Variants in DNAJC7 observed in about 807,000 individuals in gnomAD.
DNAJC7 encodes the protein DnaJ heat shock protein family (Hsp40) member C7.
Under a neutral mutation model 67.4 loss-of-function variants are expected in DNAJC7, and 18 were observed. The observed-to-expected ratio is 0.27, with a 90% CI of 0.18 to 0.40. The LOEUF (loss-of-function observed/expected upper bound fraction) is 0.40. DNAJC7 is among the 10% of genes least tolerant of loss of function. The pLI is 1.00. For missense variants in DNAJC7, 419 were observed against 613.8 expected (o/e 0.68, Z 3.35); for synonymous variants, 220 against 207.8 (o/e 1.06, Z -0.50).
intron 10 of DNAJC7, 94 bp downstream of exon 10, chr17:41,983,469 G>A: frequency 8.8e-7 from 1 of 1,130,300 alleles, no homozygotes; most frequent in Non-Finnish European, 1.3e-6. Flanking sequence ...GTTCTAGGTA[G>A]ATCCCTGATC....
intron 9 of DNAJC7, chr17:41,985,920 T>C (rs2051362351): frequency 6.6e-6 from 1 of 152,072 alleles, no homozygotes; most frequent in African/African-American, 2.4e-5. Flanking sequence ...ACCACAAAGA[T>C]AAGAAGTTGT....
chr17:41,998,065 G>T (rs970515123), intron 2 of DNAJC7, among the ~76,000 whole-genome samples: 1 of 151,954 alleles, frequency 6.6e-6, no homozygotes, highest in Non-Finnish European at 1.5e-5. Context: ...GTTTTGCCGC[G>T]TTGGCCAGGC....
chr17:41,977,551 G>T (rs974367279), intron 12 of DNAJC7: 2 of 403,044 alleles, frequency 5.0e-6, no homozygotes, highest in African/African-American at 2.0e-5. Context: ...TCCAACTGCT[G>T]CCCCAAAGGA....
chr17:42,001,608 T>C (rs1567966254), intron 1 of DNAJC7, among the ~76,000 whole-genome samples: 1 of 152,182 alleles, frequency 6.6e-6, no homozygotes, highest in African/African-American at 2.4e-5. Flanking sequence ...ATTTTTGTTA[T>C]GAGAAACATC....
At position 41,977,299 on chromosome 17, in the gene DNAJC7, T is replaced by C. The variant is rs369947605; in HGVS notation, c.1409A>G (p.Lys470Arg). Reference sequence around the variant, plus strand: ...GCCGCCAGGACCGCCAAAGAATGCCTTGAAGATATTGTTTGGATCAAAATC... The same window carrying C: ...GCCGCCAGGACCGCCAAAGAATGCCCTGAAGATATTGTTTGGATCAAAATC... The part of the protein sequence containing the change: ...MGDFDPNNIF[K>R]AFFGGPGGFS... The change falls in exon 13 of 14, where the codon AAG (lysine) becomes AGG (arginine). Residue 470 changes from lysine (K) to arginine (R), a missense_variant. Physicochemically the swap from Lys to Arg is conservative, Grantham distance 26 (BLOSUM62 2). Around this residue, in one of 4 missense-constraint regions of DNAJC7, gnomAD observed 161 missense variants for 252.2 expected, o/e 0.64. Coordinates refer to ENST00000457167, the MANE Select transcript of DNAJC7 (RefSeq NM_003315.4). 1 of 1,584,012 alleles carries C rather than the reference T, an allele frequency of 6.3e-7. No homozygotes were observed. Among genetic ancestry groups the C allele is most frequent in the Non-Finnish European group, 8.6e-7 (1 of 1,165,088 alleles).
rs782767694 is a variant in DNAJC7, at chr17:41,987,894, T to A, written c.935A>T (p.Asp312Val). 7 of 1,611,202 alleles carry A rather than the reference T, an allele frequency of 4.3e-6. No homozygotes were observed. In the South Asian group the frequency reaches 6.6e-5, roughly 15 times the overall value. The change falls in exon 9 of 14, where the codon GAT becomes GTT. Residue 312 changes from aspartate to valine, a missense_variant. Physicochemically the swap from Asp to Val is radical, Grantham distance 152 (BLOSUM62 -3). Coordinates refer to ENST00000457167, the MANE Select transcript of DNAJC7 (RefSeq NM_003315.4). ...TGCATTTGTGCAGTCTTCTATTGCA[T>A]CATCTAGTTTCCTAAGCTTCAGGAG... is the stretch of plus-strand genomic sequence containing the variant. ...TVNSKLRKLD[D>V]AIEDCTNAVK...
chr17:41,976,569 C>A lies in DNAJC7; in HGVS notation c.*164G>T. 2.6e-6 allele frequency: 2 copies of A among 771,838 alleles called. No homozygotes were observed. The highest frequency in any genetic ancestry group is 3.6e-5 in the East Asian group (1 of 28,066). The allele number at this position is 771,838 out of a possible 1,614,324, so 47.8% of individuals were successfully genotyped here. ...CTGCCCTCGGTCTTCGGCATTGGTT[C>A]CCTTTGCTCCACCCCACTCACAGAG... On this transcript the variant is annotated 3_prime_UTR_variant, in exon 14 of 14. Coordinates refer to ENST00000457167, the MANE Select transcript of DNAJC7 (RefSeq NM_003315.4).
At chr17:41,994,830 G>A (rs368535928) in intron 5 of DNAJC7, 40 bp downstream of exon 5, 10 of 1,586,846 alleles carry the variant, frequency 6.3e-6, no homozygotes, top group Non-Finnish European at 6.9e-6. Flanking sequence ...GGAATTTTGC[G>A]ACAAAGAGCA....
Position 41,981,903 on chromosome 17 carries a change from G to A in DNAJC7, c.1336C>T (p.Arg446Cys), listed in dbSNP as rs933566561. 7 of 1,613,772 alleles carry A rather than the reference G, an allele frequency of 4.3e-6. No homozygotes were observed. Among genetic ancestry groups the A allele is most frequent in the African/African-American group, 2.7e-5 (2 of 74,866 alleles). Residue 446 changes from arginine to cysteine, a missense_variant, in exon 12 of 14, where the codon CGC becomes TGC. Around this residue, in one of 4 missense-constraint regions of DNAJC7, gnomAD observed 161 missense variants for 252.2 expected, o/e 0.64. Coordinates refer to ENST00000457167, the MANE Select transcript of DNAJC7 (RefSeq NM_003315.4). Reference protein sequence around the residue: ...TILSDPKKKTRYDSGQDLDEE... With the variant: ...TILSDPKKKTCYDSGQDLDEE... ...TCTAGGTCCTGTCCACTGTCATAGC[G>A]AGTCTTTTTCTTGGGATCAGAGAGG...
intron 1 of DNAJC7, among the ~76,000 whole-genome samples, chr17:42,009,664 A>G (rs1170120121): frequency 3.9e-5 from 6 of 152,196 alleles, no homozygotes; most frequent in African/African-American, 9.7e-5. Flanking sequence ...TCTGGGAAAC[A>G]TGCTTCTCTG....
Position 41,996,301 on chromosome 17 carries a change from A to G in DNAJC7, c.405+10T>C. 1 of 1,612,892 alleles carries G rather than the reference A, an allele frequency of 6.2e-7. No homozygotes were observed. Among genetic ancestry groups the G allele is most frequent in the Non-Finnish European group, 8.5e-7 (1 of 1,179,500 alleles). ...TGCCTCTTTTGACAGAAACAGGATC[A>G]GACCCGTACCTCTTGTTGTGCCTGA... On this transcript the variant is annotated intron_variant, in intron 4 of 13. Transcript: ENST00000457167.
At chr17:41,978,279 G>A (rs1373011525) in intron 12 of DNAJC7, among the ~76,000 whole-genome samples, 3 of 152,040 alleles carry the variant, frequency 2.0e-5, no homozygotes, top group African/African-American at 4.8e-5. Context: ...CAGCCACCTC[G>A]TGCCCAGAGT....
rs1555645118 is a variant in DNAJC7, at chr17:41,977,319, A to C, written c.1389T>G (p.Phe463Leu). 3 of 1,579,086 alleles carry C rather than the reference A, an allele frequency of 1.9e-6. No homozygotes were observed. Among genetic ancestry groups the C allele is most frequent in the South Asian group, 2.3e-5 (2 of 85,888 alleles). ...LDEEGMNMGD[F>L]DPNNIFKAFF... ...ATGCCTTGAAGATATTGTTTGGATC[A>C]AAATCTGTAGAGCAGGGCAAGTAAC... is the stretch of plus-strand genomic sequence containing the variant. Residue 463 changes from phenylalanine (F) to leucine (L), a missense_variant, in exon 13 of 14, where the codon TTT becomes TTG. Phe to Leu is a conservative substitution (Grantham distance 22). Transcript: ENST00000457167.
Position 41,976,587 on chromosome 17 carries a change from T to A in DNAJC7, c.*146A>T. 5.5e-5 allele frequency: 51 copies of A among 921,340 alleles called. No homozygotes were observed. The highest frequency in any genetic ancestry group is 2.0e-4 in the East Asian group (5 of 25,192). 57.1% of individuals were successfully genotyped at this position (921,340 alleles called of 1,614,324 possible). ...ATTGGTTCCCTTTGCTCCACCCCAC[T>A]CACAGAGACACAGGGCATCCAACTG... On this transcript the variant is annotated 3_prime_UTR_variant, in exon 14 of 14. Transcript: ENST00000457167.
chr17:42,017,425 C>T lies in DNAJC7; in HGVS notation c.-9G>A. 1 of 1,605,888 alleles carries T rather than the reference C, an allele frequency of 6.2e-7. No individual in the cohort carries two copies. The highest frequency in any genetic ancestry group is 8.5e-7 in the Non-Finnish European group (1 of 1,179,830). On this transcript the variant is annotated 5_prime_UTR_variant, in exon 1 of 14. Transcript: ENST00000457167. ...TCCGCGGCAGCCGCCATCTTACCGC[C>T]GGGACCAGAGAGCTGGGTGGGAGGC...
At chr17:42,017,230 G>A in intron 1 of DNAJC7, 110 bp downstream of exon 1, 6 of 1,598,874 alleles carry the variant, frequency 3.8e-6, no homozygotes, top group Non-Finnish European at 5.1e-6. Context: ...GGGTGTTTGC[G>A]GAGGGCGGGG....
At chr17:42,017,220 G>C in intron 1 of DNAJC7, 120 bp downstream of exon 1, 1 of 1,597,040 alleles carries the variant, frequency 6.3e-7, no homozygotes. Context: ...TCAGATGGGG[G>C]GGTGTTTGCG....
In DNAJC7 at chr17:42,017,436, A is replaced by T. The variant is rs782527771; in HGVS notation, c.-20T>A. The T allele has an allele frequency of 1.2e-6, 2 of 1,604,522 alleles. No individual in the cohort carries two copies. The highest frequency in any genetic ancestry group is 1.7e-6 in the Non-Finnish European group (2 of 1,179,806). ...CGCCATCTTACCGCCGGGACCAGAGAGCTGGGTGGGAGGCCGGCGGTGAAG... is the reference window on the plus strand; with the variant it reads ...CGCCATCTTACCGCCGGGACCAGAGTGCTGGGTGGGAGGCCGGCGGTGAAG... On this transcript the variant is annotated 5_prime_UTR_variant, in exon 1 of 14. Coordinates refer to ENST00000457167, the MANE Select transcript of DNAJC7 (RefSeq NM_003315.4).
chr17:42,017,293 C>A (rs935969149), intron 1 of DNAJC7, 47 bp downstream of exon 1: 1 of 1,608,790 alleles, frequency 6.2e-7, no homozygotes, highest in East Asian at 2.2e-5. Context: ...TTTCCCTGAG[C>A]CACGGAGCTG....
Sources: gnomAD v4.1 joint callset for allele counts (sites outside exome capture counted in the v4.1 genomes callset) on GRCh38, gnomAD v4.1.1 for gene constraint, gnomAD v4.1.1 regional missense constraint, MANE v1.5 for transcripts, NCBI Gene and HGNC (gene_info 2026-07-23, HGNC 2026-07-21) for gene names.